Variants in TECPR2 observed in about 807,000 individuals in gnomAD.
The protein encoded by TECPR2 is tectonin beta-propeller repeat-containing protein 2.
TECPR2 carries 65 observed loss-of-function variants against 138.1 expected under a neutral mutation model. The observed-to-expected ratio is 0.47, with a 90% CI of 0.39 to 0.58. The LOEUF is 0.58. TECPR2 is among the 20% of genes least tolerant of loss of function. The pLI is 0.00. For synonymous variants in TECPR2, 746 were observed against 749.8 expected (o/e 0.99, Z 0.08); for missense variants, 1,553 against 1,824.5 (o/e 0.85, Z 2.71).
rs567394415 is a variant in TECPR2 at position 102,389,810 on chromosome 14, T to G, written c.219+12870T>G. ...TTCTCTAATGATAGAGTCCCTGGCT[T>G]TAGGCTTCTTCCTTCAACTCCAGTG... is the stretch of plus-strand genomic sequence containing the variant. On this transcript the variant is annotated intron_variant, in intron 2 of 19. Transcript: ENST00000359520. Among the ~76,000 whole-genome samples, 13 of 152,352 alleles carry G rather than the reference T, an allele frequency of 8.5e-5. No individual in the cohort carries two copies. In the East Asian group the frequency reaches 1.5e-3, roughly 18 times the overall value.
intron 10 of TECPR2, among the ~76,000 whole-genome samples, chr14:102,438,847 TTTTC>T (rs983667268): frequency 6.3e-4 from 95 of 151,316 alleles, no homozygotes; most frequent in Middle Eastern, 3.4e-3. Flanking sequence ...TTTGCTTGCT[TTTTC>T]TTTCTTTCTT....
At chr14:102,386,130 A>G (rs1887995025) in intron 2 of TECPR2, among the ~76,000 whole-genome samples, 1 of 152,070 alleles carries the variant, frequency 6.6e-6, no homozygotes, top group African/African-American at 2.4e-5. Context: ...CATTATATAT[A>G]GGATATCAAA....
At position 102,501,729 on chromosome 14, in the gene TECPR2, T is replaced by C. The variant is rs1656865680; in HGVS notation, c.*3472T>C. On this transcript the variant is annotated 3_prime_UTR_variant, in exon 20 of 20. Coordinates refer to ENST00000359520, the MANE Select transcript of TECPR2 (RefSeq NM_014844.5). ...AATTGCAACGATACAGAGATTAGCA[T>C]GGCCCCTGCACAAGGATGACTCGCA... 6.6e-6 allele frequency: 1 copy of C among 152,178 alleles called. No individual in the cohort carries two copies. The allele number at this position is 152,178 out of a possible 1,614,324, so 9.4% of individuals were successfully genotyped here. A position where few individuals can be genotyped will look rare whatever the true frequency, so the allele number is the denominator to read the frequency against.
chr14:102,409,944 A>G (rs1286021663), intron 4 of TECPR2, among the ~76,000 whole-genome samples: 1 of 152,102 alleles, frequency 6.6e-6, no homozygotes, highest in Non-Finnish European at 1.5e-5. Flanking sequence ...AGCTGGGACT[A>G]CAGGCACCTG....
At chr14:102,378,444 CAT>C (rs1426287140) in intron 2 of TECPR2, among the ~76,000 whole-genome samples, 1 of 151,966 alleles carries the variant, frequency 6.6e-6, no homozygotes, top group Non-Finnish European at 1.5e-5. Context: ...CTTGGACAGA[CAT>C]ATATTAACTC....
chr14:102,469,402 T>C (rs1210613446), intron 17 of TECPR2, among the ~76,000 whole-genome samples: 1 of 152,234 alleles, frequency 6.6e-6, no homozygotes, highest in Non-Finnish European at 1.5e-5. Context: ...TTTTGTATAT[T>C]GATCTTGTGT....
intron 7 of TECPR2, among the ~76,000 whole-genome samples, chr14:102,431,475 TG>T (rs1414004457): frequency 6.6e-6 from 1 of 151,870 alleles, no homozygotes; most frequent in Non-Finnish European, 1.5e-5. Flanking sequence ...CCCAAGTAGC[TG>T]GGACCCCCGG....
chr14:102,393,951 A>G (rs796527125), intron 2 of TECPR2, among the ~76,000 whole-genome samples: 11 of 152,324 alleles, frequency 7.2e-5, no homozygotes, highest in African/African-American at 2.6e-4. Flanking sequence ...CTAGTAAATC[A>G]TTTTAATTCC....
intron 1 of TECPR2, among the ~76,000 whole-genome samples, chr14:102,369,434 G>T (rs1043831731): frequency 1.3e-5 from 2 of 152,052 alleles, no homozygotes; most frequent in Non-Finnish European, 2.9e-5. Context: ...TGTCACCTAG[G>T]CTGGAGTGCA....
intron 5 of TECPR2, among the ~76,000 whole-genome samples, chr14:102,418,684 T>A (rs1053750064): frequency 6.6e-6 from 1 of 152,110 alleles, no homozygotes; most frequent in Admixed American, 6.5e-5. Context: ...GGGAGGTCAC[T>A]CTGGCTGCTG....
At chr14:102,480,717 T>C (rs1890872765) in intron 17 of TECPR2, among the ~76,000 whole-genome samples, 1 of 151,780 alleles carries the variant, frequency 6.6e-6, no homozygotes, top group South Asian at 2.1e-4. Flanking sequence ...GAGGTCTTGC[T>C]GTGTTGTCCA....
intron 2 of TECPR2, among the ~76,000 whole-genome samples, chr14:102,383,140 G>C (rs1887884520): frequency 6.6e-6 from 1 of 152,112 alleles, no homozygotes; most frequent in South Asian, 2.1e-4. Flanking sequence ...AACATTTCCA[G>C]CACCCCAGAA....
rs1889108164 is a variant in TECPR2 at position 102,419,180 on chromosome 14, A to G, written c.638+4387A>G. Among the ~76,000 whole-genome samples, 3 of 152,064 alleles carry G rather than the reference A, an allele frequency of 2.0e-5. No homozygotes were observed. The highest frequency in any genetic ancestry group is 2.0e-4 in the Admixed American group (3 of 15,266). On this transcript the variant is annotated intron_variant, in intron 5 of 19. Transcript: ENST00000359520. The surrounding 1 kb of genome is among the most constrained non-coding windows in gnomAD (Gnocchi z 4.8). ...TGGGGGGTCAGAGGAGTCGGAGGCC[A>G]TATGGAGGGACATAGCAGCTGCTGC...
At chr14:102,412,436 A>C (rs895497828) in intron 4 of TECPR2, among the ~76,000 whole-genome samples, 1 of 152,076 alleles carries the variant, frequency 6.6e-6, no homozygotes, top group African/African-American at 2.4e-5. Flanking sequence ...CCAGCTGATA[A>C]ATTTTCTAAT....
intron 17 of TECPR2, among the ~76,000 whole-genome samples, chr14:102,486,786 G>T (rs1365269962): frequency 6.6e-6 from 1 of 152,234 alleles, no homozygotes. Context: ...CTCCTAGTGT[G>T]TCAGCCCTGG....
chr14:102,464,499 C>G (rs987590185), intron 16 of TECPR2, among the ~76,000 whole-genome samples: 6 of 152,064 alleles, frequency 3.9e-5, no homozygotes, highest in Admixed American at 2.6e-4. Flanking sequence ...CCCAACCGAT[C>G]TCAGCCTCCC....
chr14:102,431,519 T>C (rs924127186), intron 7 of TECPR2, among the ~76,000 whole-genome samples: 1 of 152,056 alleles, frequency 6.6e-6, no homozygotes, highest in African/African-American at 2.4e-5. Flanking sequence ...ATTTTTTGTA[T>C]TTTTAGTAGA....
chr14:102,369,046 C>G (rs1036082286), intron 1 of TECPR2, among the ~76,000 whole-genome samples: 4 of 152,178 alleles, frequency 2.6e-5, no homozygotes, highest in African/African-American at 9.7e-5. Flanking sequence ...CAGCCCTGCG[C>G]TCCCTCCCTG....
At chr14:102,446,657 C>A (rs995185462) in intron 13 of TECPR2, among the ~76,000 whole-genome samples, 10 of 152,096 alleles carry the variant, frequency 6.6e-5, no homozygotes, top group African/African-American at 2.4e-4. Context: ...TCCCAAAGTG[C>A]TGGGATTACA....
Sources: allele counts gnomAD v4.1 joint callset (sites outside exome capture counted in the v4.1 genomes callset), GRCh38; gene constraint gnomAD v4.1.1; non-coding constraint Gnocchi (gnomAD v3.1); transcripts MANE v1.5; gene names NCBI Gene and HGNC (gene_info 2026-07-23, HGNC 2026-07-21).